SULT6B1: variants seen among roughly 807,000 people sequenced by gnomAD.
The protein encoded by SULT6B1 is sulfotransferase family 6B member 1.
SULT6B1 carries 44 observed loss-of-function variants against 37.2 expected under a neutral mutation model. That is an observed-to-expected ratio of 1.18 (90% CI 0.93 to 1.52). SULT6B1 has a LOEUF of 1.52. Ranked by LOEUF, SULT6B1 falls within the 40% of genes most tolerant of loss-of-function variation. The pLI, the probability that SULT6B1 is intolerant of heterozygous loss-of-function variation, is 0.00. For synonymous variants in SULT6B1, 140 were observed against 126.0 expected, an observed-to-expected ratio of 1.11 and a Z score of -0.74; for missense variants, 450 against 361.0, an observed-to-expected ratio of 1.25 and a Z score of -2.00.
chr2:37,175,101 T>G, intron 5 of SULT6B1, 31 bp downstream of exon 5: 1 of 1,366,470 alleles, frequency 7.3e-7, no homozygotes, highest in Non-Finnish European at 1.0e-6. Context: ...TTACAATAAA[T>G]TTTGCTCTAA....
intron 5 of SULT6B1, among the ~76,000 whole-genome samples, chr2:37,174,864 T>A (rs1676379439): frequency 1.3e-5 from 2 of 152,190 alleles, no homozygotes; most frequent in African/African-American, 2.4e-5. Flanking sequence ...TATTTTTTTT[T>A]ATTACCAATT....
upstream of SULT6B1, among the ~76,000 whole-genome samples, chr2:37,190,620 AAGC>A (rs1386669728): frequency 1.3e-5 from 2 of 152,188 alleles, no homozygotes; most frequent in East Asian, 3.8e-4. Flanking sequence ...GCGGGAGGAA[AAGC>A]AGGTTTTAAT....
At chr2:37,180,644 G>T (rs988369138) in intron 3 of SULT6B1, among the ~76,000 whole-genome samples, 1 of 152,238 alleles carries the variant, frequency 6.6e-6, no homozygotes, top group Middle Eastern at 3.2e-3. Flanking sequence ...AGCACTTTGT[G>T]AGGCTGAGGC....
At chr2:37,177,853 C>A (rs1223684163) in intron 4 of SULT6B1, among the ~76,000 whole-genome samples, 1 of 152,238 alleles carries the variant, frequency 6.6e-6, no homozygotes, top group Non-Finnish European at 1.5e-5. Context: ...AAAATAAATA[C>A]ATTTTTTAAA....
intron 5 of SULT6B1, among the ~76,000 whole-genome samples, chr2:37,173,530 A>G (rs1676351127): frequency 6.6e-6 from 1 of 152,130 alleles, no homozygotes; most frequent in African/African-American, 2.4e-5. Context: ...CGACTAATAA[A>G]CATCTCAAAT....
intron 2 of SULT6B1, 44 bp from the exon 3 acceptor site, chr2:37,183,558 A>ATGTGTG: frequency 7.0e-7 from 1 of 1,434,572 alleles, no homozygotes; most frequent in Admixed American, 1.7e-5. Context: ...ACGTGTGTGC[A>ATGTGTG]TGTGTGTGTG....
chr2:37,168,540 G>A (rs1015141777), intron 6 of SULT6B1, among the ~76,000 whole-genome samples: 6 of 152,176 alleles, frequency 3.9e-5, no homozygotes, highest in African/African-American at 1.4e-4. Flanking sequence ...TGTGGTGTGG[G>A]AGGTGACATG....
intron 2 of SULT6B1, among the ~76,000 whole-genome samples, chr2:37,184,113 C>T (rs1427491799): frequency 6.6e-6 from 1 of 152,136 alleles, no homozygotes; most frequent in African/African-American, 2.4e-5. Flanking sequence ...CATATCAAAT[C>T]CATTTTGTTC....
At chr2:37,193,511 C>A (rs184833756), upstream of SULT6B1, among the ~76,000 whole-genome samples, 102 of 150,180 alleles carry the variant, frequency 6.8e-4, 1 homozygote, top group Admixed American at 1.0e-3. Flanking sequence ...ATTAAAGACA[C>A]CATGCCCTCT....
chr2:37,176,840 A>G (rs987675376), intron 4 of SULT6B1, among the ~76,000 whole-genome samples: 1 of 152,172 alleles, frequency 6.6e-6, no homozygotes, highest in Admixed American at 6.5e-5. Flanking sequence ...AGACACAAAC[A>G]AGAGTCTGCT....
intron 2 of SULT6B1, among the ~76,000 whole-genome samples, chr2:37,184,080 A>T (rs924219862): frequency 7.2e-5 from 11 of 152,190 alleles, no homozygotes; most frequent in African/African-American, 2.2e-4. Context: ...GTAATTTTTT[A>T]AAAAATTACC....
upstream of SULT6B1, among the ~76,000 whole-genome samples, chr2:37,189,297 GTA>G (rs1676736900): frequency 6.6e-6 from 1 of 152,226 alleles, no homozygotes; most frequent in Admixed American, 6.5e-5. Flanking sequence ...TGGGTCTGCA[GTA>G]ACCTCAATTC....
intron 1 of SULT6B1, among the ~76,000 whole-genome samples, chr2:37,194,058 T>C (rs1170603763): frequency 1.3e-5 from 2 of 152,202 alleles, no homozygotes; most frequent in Admixed American, 6.5e-5. Flanking sequence ...TTCTATACAA[T>C]TATTTTAGTC....
At chr2:37,174,709 C>G (rs2148287641) in intron 5 of SULT6B1, among the ~76,000 whole-genome samples, 1 of 152,332 alleles carries the variant, frequency 6.6e-6, no homozygotes, top group Non-Finnish European at 1.5e-5. Context: ...TTTGCCTTGT[C>G]TGTTCACTGA....
chr2:37,175,772 C>T (rs1483387231), intron 4 of SULT6B1, among the ~76,000 whole-genome samples: 1 of 152,080 alleles, frequency 6.6e-6, no homozygotes, highest in African/African-American at 2.4e-5. Context: ...TTTTAATATG[C>T]TAAATCTTCA....
At chr2:37,186,728 C>T (rs924158852) in intron 2 of SULT6B1, among the ~76,000 whole-genome samples, 3 of 151,462 alleles carry the variant, frequency 2.0e-5, no homozygotes, top group Non-Finnish European at 4.4e-5. Context: ...CCTACCTCTA[C>T]AAAAAAAATT....
chr2:37,178,973 G>GTTTGT (rs1267763026), intron 4 of SULT6B1, among the ~76,000 whole-genome samples: 12 of 151,146 alleles, frequency 7.9e-5, no homozygotes, highest in Non-Finnish European at 1.8e-4. Context: ...TTGTTTGTTT[G>GTTTGT]TTTTTTTGAG....
At chr2:37,180,831 C>T (rs892372662) in intron 3 of SULT6B1, among the ~76,000 whole-genome samples, 9 of 152,094 alleles carry the variant, frequency 5.9e-5, no homozygotes, top group South Asian at 4.1e-4. Context: ...TTGTCATGAG[C>T]CAAGATTGTG....
chr2:37,168,999 G>A (rs1258298812), intron 6 of SULT6B1, among the ~76,000 whole-genome samples: 1 of 152,174 alleles, frequency 6.6e-6, no homozygotes, highest in Non-Finnish European at 1.5e-5. Flanking sequence ...AAACGTCACA[G>A]AATAAGGGTG....
Sources: allele counts gnomAD v4.1 joint callset (sites outside exome capture counted in the v4.1 genomes callset), GRCh38; gene constraint gnomAD v4.1.1; transcripts MANE v1.5; gene names NCBI Gene and HGNC (gene_info 2026-07-23, HGNC 2026-07-21).